DCDC2: variants seen among roughly 807,000 people sequenced by gnomAD.
The protein encoded by DCDC2 is doublecortin domain-containing protein 2.
DCDC2 carries 40 observed loss-of-function variants against 50.2 expected under a neutral mutation model. The ratio of observed to expected loss-of-function variants is 0.80; its 90% CI spans 0.62 to 1.04. DCDC2 has a LOEUF of 1.04. Ranked by LOEUF, DCDC2 falls within the 50% of genes least tolerant of loss-of-function variation. The pLI, the probability that DCDC2 is intolerant of heterozygous loss-of-function variation, is 0.00. For synonymous variants in DCDC2, 234 were observed against 210.6 expected (o/e 1.11, Z -0.96); for missense variants, 570 against 581.9 (o/e 0.98, Z 0.21).
intron 7 of DCDC2, among the ~76,000 whole-genome samples, chr6:24,211,453 G>A (rs1761867813): frequency 6.6e-6 from 1 of 152,170 alleles, no homozygotes; most frequent in African/African-American, 2.4e-5. Context: ...AAGAAACTGT[G>A]AGCATGTTAC....
At chr6:24,328,833 G>A (rs181586188) in intron 2 of DCDC2, among the ~76,000 whole-genome samples, 9 of 152,192 alleles carry the variant, frequency 5.9e-5, no homozygotes, top group South Asian at 2.1e-4. Context: ...GCATATCTAC[G>A]CTTGCTGGAC....
intron 2 of DCDC2, among the ~76,000 whole-genome samples, chr6:24,304,077 G>C (rs921518222): frequency 2.0e-5 from 3 of 152,196 alleles, no homozygotes; most frequent in Non-Finnish European, 4.4e-5. Flanking sequence ...TCATACTCTA[G>C]AGTACAATTT....
intron 2 of DCDC2, 52 bp from the exon 3 acceptor site, chr6:24,302,096 T>C (rs1339022695): frequency 6.7e-7 from 1 of 1,502,910 alleles, no homozygotes; most frequent in Non-Finnish European, 9.1e-7. Context: ...TATTAGCTTT[T>C]TTTTTCCTAT....
chr6:24,353,452 A>T, intron 2 of DCDC2, 117 bp downstream of exon 2: 1 of 678,238 alleles, frequency 1.5e-6, no homozygotes. Context: ...ATAATGTTCC[A>T]TTTCTTTACA....
chr6:24,288,993 T>C, intron 5 of DCDC2, 87 bp from the exon 6 acceptor site: 1 of 990,850 alleles, frequency 1.0e-6, no homozygotes, highest in Non-Finnish European at 1.5e-6. Context: ...CACCTGGAAG[T>C]CAACTGTTTA....
At chr6:24,292,345 A>C (rs1055263098) in intron 4 of DCDC2, among the ~76,000 whole-genome samples, 23 of 81,758 alleles carry the variant, frequency 2.8e-4, no homozygotes, top group African/African-American at 2.2e-3. Flanking sequence ...TACAGACGCA[A>C]AAAAAAAAAC....
intron 7 of DCDC2, among the ~76,000 whole-genome samples, chr6:24,216,697 T>C (rs909557861): frequency 1.3e-5 from 2 of 152,380 alleles, no homozygotes; most frequent in Non-Finnish European, 2.9e-5. Flanking sequence ...CATAAAGCTT[T>C]TGCTAAACCT....
chr6:24,271,201 C>A (rs1763229013), intron 7 of DCDC2, among the ~76,000 whole-genome samples: 2 of 2,002 alleles, frequency 1.0e-3, no homozygotes, highest in Admixed American at 0.014. Flanking sequence ...GAGTGAGACA[C>A]TCCCTCAAAA....
At chr6:24,206,805 A>G (rs1404124319) in intron 7 of DCDC2, among the ~76,000 whole-genome samples, 2 of 152,254 alleles carry the variant, frequency 1.3e-5, no homozygotes, top group Non-Finnish European at 2.9e-5. Context: ...CAAAGAGACA[A>G]ATCAGCAAAG....
At chr6:24,350,895 G>A (rs967429263) in intron 2 of DCDC2, among the ~76,000 whole-genome samples, 16 of 152,122 alleles carry the variant, frequency 1.1e-4, no homozygotes, top group South Asian at 2.1e-4. Flanking sequence ...AAATGCCAGT[G>A]TTCTACCAAG....
At chr6:24,219,614 G>A (rs568869754) in intron 7 of DCDC2, among the ~76,000 whole-genome samples, 35 of 152,288 alleles carry the variant, frequency 2.3e-4, no homozygotes, top group East Asian at 3.9e-4. Flanking sequence ...TGCAGTACCC[G>A]GGTTGGCTGT....
intron 7 of DCDC2, among the ~76,000 whole-genome samples, chr6:24,236,310 CA>C (rs1192765618): frequency 1.3e-5 from 2 of 152,134 alleles, no homozygotes; most frequent in African/African-American, 2.4e-5. Context: ...TTGACAAAAT[CA>C]GCAAAAATAA....
chr6:24,180,803 A>G (rs1761054522), intron 8 of DCDC2, among the ~76,000 whole-genome samples: 1 of 152,150 alleles, frequency 6.6e-6, no homozygotes, highest in Non-Finnish European at 1.5e-5. Context: ...TGTCATTACA[A>G]AAGTTAACAT....
chr6:24,244,341 T>A (rs144807542), intron 7 of DCDC2, among the ~76,000 whole-genome samples: 13 of 152,330 alleles, frequency 8.5e-5, no homozygotes, highest in African/African-American at 3.1e-4. Context: ...CAAAAAAGTA[T>A]GTGATTCATT....
chr6:24,357,306 C>T, intron 1 of DCDC2, 152 bp downstream of exon 1: 5 of 882,240 alleles, frequency 5.7e-6, no homozygotes, highest in Non-Finnish European at 8.3e-6. Flanking sequence ...TACCCCCCAA[C>T]TGCAACGAGA....
chr6:24,291,700 T>C, intron 4 of DCDC2, among the ~76,000 whole-genome samples: 1 of 151,940 alleles, frequency 6.6e-6, no homozygotes, highest in Non-Finnish European at 1.5e-5. Flanking sequence ...TTAGCCGGGA[T>C]GGTCTCGATC....
Position 24,221,522 on chromosome 6 carries a change from G to A in DCDC2, c.923-16420C>T, listed in dbSNP as rs563842105. Among the ~76,000 whole-genome samples the A allele has an allele frequency of 1.4e-4, 22 of 152,296 alleles. No homozygotes were observed. In the East Asian group the frequency reaches 3.1e-3, roughly 21 times the overall value. ...ACAGTACCACATGACAGACAATTTAGATGTTGCTACAGAGAGGAGACGACA... is the reference window on the plus strand; with the variant it reads ...ACAGTACCACATGACAGACAATTTAAATGTTGCTACAGAGAGGAGACGACA... On this transcript the variant is annotated intron_variant, in intron 7 of 9. Transcript: ENST00000378454.
chr6:24,358,826 TATA>T (rs1760544308), upstream of DCDC2, among the ~76,000 whole-genome samples: 1 of 38,474 alleles, frequency 2.6e-5, no homozygotes, highest in Non-Finnish European at 4.0e-5. Flanking sequence ...ATATATATAT[TATA>T]TTTATATATA....
intron 7 of DCDC2, among the ~76,000 whole-genome samples, chr6:24,233,384 C>G (rs761400419): frequency 4.6e-5 from 7 of 152,212 alleles, no homozygotes; most frequent in Non-Finnish European, 8.8e-5. Flanking sequence ...ATGCCCAACA[C>G]TTATCATCTG....
Sources: gnomAD v4.1 joint callset for allele counts (sites outside exome capture counted in the v4.1 genomes callset) on GRCh38, gnomAD v4.1.1 for gene constraint, MANE v1.5 for transcripts, NCBI Gene and HGNC (gene_info 2026-07-23, HGNC 2026-07-21) for gene names.